CRISPLD2: variants seen among roughly 807,000 people sequenced by gnomAD.
The protein encoded by CRISPLD2 is cysteine-rich secretory protein LCCL domain-containing 2.
Under a neutral mutation model 71.1 loss-of-function variants are expected in CRISPLD2, and 47 were observed. The observed-to-expected ratio is 0.66, with a 90% confidence interval of 0.52 to 0.84. The LOEUF is 0.84. Among genes scored for constraint, CRISPLD2 ranks in the 40% least tolerant of loss-of-function variants. CRISPLD2 has a pLI of 0.00. For missense variants in CRISPLD2, 830 were observed against 651.1 expected (o/e 1.27, Z -2.99); for synonymous variants, 317 against 250.1 (o/e 1.27, Z -2.52).
At chr16:84,876,623 T>A (rs922448450) in intron 11 of CRISPLD2, among the ~76,000 whole-genome samples, 5 of 151,982 alleles carry the variant, frequency 3.3e-5, no homozygotes, top group African/African-American at 1.2e-4. Flanking sequence ...TGAAACCCTG[T>A]CTCTACTGAA....
At chr16:84,904,128 C>T (rs1411996941) in intron 14 of CRISPLD2, among the ~76,000 whole-genome samples, 1 of 152,136 alleles carries the variant, frequency 6.6e-6, no homozygotes, top group Non-Finnish European at 1.5e-5. Flanking sequence ...CCGTGGTGGC[C>T]CTTGGTAGGC....
chr16:84,883,270 G>T (rs1188754923), intron 13 of CRISPLD2, among the ~76,000 whole-genome samples: 2 of 152,222 alleles, frequency 1.3e-5, no homozygotes, highest in Non-Finnish European at 2.9e-5. Context: ...ATTTAGCTAA[G>T]AGATTGATTT....
chr16:84,837,908 G>A (rs1482771497), intron 1 of CRISPLD2, among the ~76,000 whole-genome samples: 4 of 152,218 alleles, frequency 2.6e-5, no homozygotes, highest in Non-Finnish European at 5.9e-5. Flanking sequence ...ACAGATGTGC[G>A]GGTGGGGCCC....
rs111979201 is a variant in CRISPLD2 at position 84,873,680 on chromosome 16, A to G, written c.1113-240A>G. 1.6e-3 allele frequency among the ~76,000 whole-genome samples: 241 copies of G among 152,220 alleles called. 1 individual carries two copies. Among genetic ancestry groups the G allele is most frequent in the African/African-American group, 5.6e-3 (232 of 41,540 alleles). ...AATTTATCTTATACATTTGAAAACC[A>G]TTATTCTTAGAAGGGATCTATAGGC... On this transcript the variant is annotated intron_variant, in intron 10 of 14. Coordinates refer to ENST00000262424, the MANE Select transcript of CRISPLD2 (RefSeq NM_031476.4).
intron 2 of CRISPLD2, among the ~76,000 whole-genome samples, chr16:84,841,849 C>G (rs1019578353): frequency 3.9e-5 from 6 of 152,218 alleles, no homozygotes; most frequent in African/African-American, 1.4e-4. Flanking sequence ...CCCACTTCAG[C>G]CTCCCAAAGT....
intron 8 of CRISPLD2, among the ~76,000 whole-genome samples, chr16:84,869,918 C>T (rs113229948): frequency 0.012 from 1,755 of 152,294 alleles, 35 homozygotes; most frequent in African/African-American, 0.039. Flanking sequence ...AACATCGAGG[C>T]AGTTCCAGAG....
chr16:84,852,199 G>A (rs753433208), intron 5 of CRISPLD2, among the ~76,000 whole-genome samples: 1 of 152,220 alleles, frequency 6.6e-6, no homozygotes, highest in Non-Finnish European at 1.5e-5. Context: ...GTTTCATCAA[G>A]GCCCTGTCTC....
intron 12 of CRISPLD2, among the ~76,000 whole-genome samples, chr16:84,879,614 G>A (rs1028504598): frequency 2.6e-5 from 4 of 152,102 alleles, no homozygotes; most frequent in South Asian, 2.1e-4. Context: ...CACCCACCTC[G>A]GCCTCCCAAA....
At position 84,872,643 on chromosome 16, in the gene CRISPLD2, C is replaced by T. The variant is rs148703123; in HGVS notation, c.981+135C>T. On this transcript the variant is annotated intron_variant, in intron 9 of 14. Transcript: ENST00000262424. ...AAACCTGGCATTTCTAGAACTGGGG[C>T]GGGTGTATATTTATGGGCTTACAAA... 580 of 796,002 alleles carry T rather than the reference C, an allele frequency of 7.3e-4. 2 individuals carry two copies. In the African/African-American group the frequency reaches 8.7e-3, roughly 12 times the overall value. 49.3% of individuals were successfully genotyped at this position (796,002 alleles called of 1,614,324 possible). A position where few individuals can be genotyped will look rare whatever the true frequency, so the allele number is the denominator to read the frequency against.
intron 13 of CRISPLD2, among the ~76,000 whole-genome samples, chr16:84,886,626 C>G (rs1159201902): frequency 6.6e-6 from 1 of 152,102 alleles, no homozygotes; most frequent in Non-Finnish European, 1.5e-5. Context: ...AGTTTGAGAC[C>G]AGCCTGAGCA....
At chr16:84,873,694 G>A (rs575463262) in intron 10 of CRISPLD2, among the ~76,000 whole-genome samples, 132 of 152,022 alleles carry the variant, frequency 8.7e-4, no homozygotes, top group Non-Finnish European at 1.7e-3. Context: ...TTCTTAGAAG[G>A]GATCTATAGG....
Position 84,906,870 on chromosome 16 carries a change from G to GC in CRISPLD2, c.*230dup, listed in dbSNP as rs1347892795. 4 of 619,346 alleles carry GC rather than the reference G, an allele frequency of 6.5e-6. No individual in the cohort carries two copies. The highest frequency in any genetic ancestry group is 1.8e-5 in the African/African-American group (1 of 54,416). The allele number at this position is 619,346 out of a possible 1,614,324, so 38.4% of individuals were successfully genotyped here. A position where few individuals can be genotyped will look rare whatever the true frequency, so the allele number is the denominator to read the frequency against. On this transcript the variant is annotated 3_prime_UTR_variant, in exon 15 of 15. Coordinates refer to ENST00000262424, the MANE Select transcript of CRISPLD2 (RefSeq NM_031476.4). ...CTCCCTGGTGCCTGATCCTGCTGGG[G>GC]CCTGGGGGTCTCCATCTGGACGTCC...
chr16:84,897,179 C>T (rs758019844), intron 14 of CRISPLD2, among the ~76,000 whole-genome samples: 1 of 152,056 alleles, frequency 6.6e-6, no homozygotes, highest in African/African-American at 2.4e-5. Context: ...TGCGGCGGCT[C>T]ATGCCTGTAA....
chr16:84,853,420 T>C (rs952635957), intron 5 of CRISPLD2, among the ~76,000 whole-genome samples: 4 of 152,202 alleles, frequency 2.6e-5, no homozygotes, highest in African/African-American at 9.6e-5. Flanking sequence ...GCGATCATTC[T>C]GCCTCCGGAA....
intron 10 of CRISPLD2, 81 bp from the exon 11 acceptor site, chr16:84,873,839 T>A: frequency 3.9e-6 from 5 of 1,294,228 alleles, no homozygotes; most frequent in Non-Finnish European, 5.4e-6. Flanking sequence ...AAGATAAGTA[T>A]AGGAGCAAGC....
At chr16:84,905,441 C>T (rs1178281941) in intron 14 of CRISPLD2, among the ~76,000 whole-genome samples, 1 of 152,002 alleles carries the variant, frequency 6.6e-6, no homozygotes, top group Non-Finnish European at 1.5e-5. Context: ...ACTCTCTTGC[C>T]CAGGCTGGAG....
Position 84,873,359 on chromosome 16 carries a change from T to A in CRISPLD2, c.1112+237T>A, listed in dbSNP as rs2071488717. The A allele has an allele frequency of 1.3e-5, 4 of 316,278 alleles. No homozygotes were observed. The South Asian group carries it at 1.5e-4, about 12-fold the overall frequency. 19.6% of individuals were successfully genotyped at this position (316,278 alleles called of 1,614,324 possible). A position where few individuals can be genotyped will look rare whatever the true frequency, so the allele number is the denominator to read the frequency against. On this transcript the variant is annotated intron_variant, in intron 10 of 14. Transcript: ENST00000262424. ...CAGGCGTGGTGGCAGGCACCTGTAA[T>A]CCCAGCTACTCTCAGGAGGCTACGG...
chr16:84,890,432 G>C (rs76938306), intron 14 of CRISPLD2, among the ~76,000 whole-genome samples: 1 of 152,176 alleles, frequency 6.6e-6, no homozygotes, highest in South Asian at 2.1e-4. Context: ...ATTTCCACTC[G>C]AGACCATACC....
At chr16:84,887,634 T>C (rs969491604) in intron 13 of CRISPLD2, among the ~76,000 whole-genome samples, 2 of 152,210 alleles carry the variant, frequency 1.3e-5, no homozygotes, top group Non-Finnish European at 2.9e-5. Context: ...CCCAGCACTT[T>C]GGGAGGCCGA....
Sources: gnomAD v4.1 joint callset for allele counts (sites outside exome capture counted in the v4.1 genomes callset) on GRCh38, gnomAD v4.1.1 for gene constraint, MANE v1.5 for transcripts, NCBI Gene and HGNC (gene_info 2026-07-23, HGNC 2026-07-21) for gene names.